NHEJ1: variants seen among roughly 807,000 people sequenced by gnomAD.
The protein encoded by NHEJ1 is non-homologous end-joining factor 1.
In NHEJ1, 22 loss-of-function variants were observed where a neutral mutation model predicts 39.4. The observed-to-expected ratio is 0.56, with a 90% confidence interval of 0.40 to 0.80. NHEJ1 has a LOEUF of 0.80. NHEJ1 is among the 30% of genes least tolerant of loss of function. The pLI is 0.00. For synonymous variants in NHEJ1, 154 were observed against 135.6 expected, an observed-to-expected ratio of 1.14 and a Z score of -0.94; for missense variants, 329 against 357.1, an observed-to-expected ratio of 0.92 and a Z score of 0.63.
chr2:219,145,332 T>C (rs564399027), intron 5 of NHEJ1, among the ~76,000 whole-genome samples: 83 of 152,356 alleles, frequency 5.4e-4, no homozygotes, highest in African/African-American at 1.9e-3. Context: ...CTTCAGTACC[T>C]GGACTGAGCA....
intron 5 of NHEJ1, among the ~76,000 whole-genome samples, chr2:219,136,407 G>A (rs1191807420): frequency 6.6e-6 from 1 of 150,974 alleles, no homozygotes; most frequent in African/African-American, 2.4e-5. Context: ...TCCTGCCTCA[G>A]TCTCCCAAGT....
intron 5 of NHEJ1, among the ~76,000 whole-genome samples, chr2:219,108,783 A>G (rs1949336618): frequency 6.6e-6 from 1 of 151,944 alleles, no homozygotes; most frequent in Non-Finnish European, 1.5e-5. Flanking sequence ...CTTTTTTGGC[A>G]TATGAGGCTT....
At chr2:219,150,709 A>G (rs1009260788) in intron 3 of NHEJ1, among the ~76,000 whole-genome samples, 1 of 152,182 alleles carries the variant, frequency 6.6e-6, no homozygotes, top group Non-Finnish European at 1.5e-5. Flanking sequence ...TAATCCCAGC[A>G]CTGTGGGAGG....
In NHEJ1 at chr2:219,121,819, TA is replaced by T. The variant is rs112766588; in HGVS notation, c.588+24860del. ...CCAGCCTGGGCAATAGACCCTATCT[TA>T]AAAAAAAAAAAAATTAAATTAATGA... On this transcript the variant is annotated intron_variant, in intron 5 of 7. Transcript: ENST00000356853. Among the ~76,000 whole-genome samples the T allele has an allele frequency of 7.0e-3, 1,003 of 143,456 alleles. 7 individuals carry two copies. Among genetic ancestry groups the T allele is most frequent in the Non-Finnish European group, 8.4e-3 (545 of 65,150 alleles). The allele number at this position is 143,456 out of a possible 152,430, so 94.1% of individuals were successfully genotyped here.
chr2:219,158,215 C>CCACCTGTTCATGCCA lies in NHEJ1; in HGVS notation c.133_147dup (p.Trp45_Val49dup). 2 of 1,614,202 alleles carry CCACCTGTTCATGCCA rather than the reference C, an allele frequency of 1.2e-6. No individual in the cohort carries two copies. The highest frequency in any genetic ancestry group is 1.7e-6 in the Non-Finnish European group (2 of 1,180,046). ...GCTCGCTGGCTGACCACACTAGTGT[C>CCACCTGTTCATGCCA]CACCTGTTCATGCCACACCTGTTGA... On this transcript the variant is annotated inframe_insertion, in exon 2 of 8. Transcript: ENST00000356853.
intron 5 of NHEJ1, among the ~76,000 whole-genome samples, chr2:219,087,390 T>C (rs1949121232): frequency 6.6e-6 from 1 of 151,770 alleles, no homozygotes; most frequent in Non-Finnish European, 1.5e-5. Context: ...CTTTTTTTTT[T>C]CCCTGACTTG....
chr2:219,157,375 T>G, intron 3 of NHEJ1, 97 bp downstream of exon 3: 1 of 1,070,982 alleles, frequency 9.3e-7, no homozygotes, highest in Non-Finnish European at 1.4e-6. Context: ...TGGAGAAGAA[T>G]TTCAAACAAG....
chr2:219,136,879 A>C (rs1481822287), intron 5 of NHEJ1, among the ~76,000 whole-genome samples: 1 of 152,168 alleles, frequency 6.6e-6, no homozygotes, highest in Non-Finnish European at 1.5e-5. Flanking sequence ...CTGGGATTAC[A>C]GACCTGAGCC....
intron 5 of NHEJ1, among the ~76,000 whole-genome samples, chr2:219,098,547 TG>T: frequency 6.6e-6 from 1 of 152,178 alleles, no homozygotes; most frequent in Non-Finnish European, 1.5e-5. Flanking sequence ...AGTAGAAGTA[TG>T]GTTTAAGTCT....
In NHEJ1 at chr2:219,137,595, A is replaced by AAAAAAAAAAAAAAAAAC. The variant is rs143557047; in HGVS notation, c.588+9084_588+9085insGTTTTTTTTTTTTTTTT. Among the ~76,000 whole-genome samples the AAAAAAAAAAAAAAAAAC allele has an allele frequency of 6.0e-4, 50 of 82,754 alleles. 5 individuals are homozygous for AAAAAAAAAAAAAAAAAC. Among genetic ancestry groups the AAAAAAAAAAAAAAAAAC allele is most frequent in the Non-Finnish European group, 1.1e-3 (37 of 32,952 alleles). 54.3% of individuals were successfully genotyped at this position (82,754 alleles called of 152,430 possible). A position where few individuals can be genotyped will look rare whatever the true frequency, so the allele number is the denominator to read the frequency against. On this transcript the variant is annotated intron_variant, in intron 5 of 7. Transcript: ENST00000356853. ...CAAAAAAAAAAAAAAAAAAAAAACA[A>AAAAAAAAAAAAAAAAAC]AAAAAACTGAAAACCACCTTCAGAA...
At chr2:219,146,849 C>G in intron 4 of NHEJ1, 111 bp from the exon 5 acceptor site, 1 of 812,484 alleles carries the variant, frequency 1.2e-6, no homozygotes, top group Non-Finnish European at 2.1e-6. Context: ...GAAGGTGCAT[C>G]ATGCAGAGAC....
At chr2:219,080,506 CAG>C (rs1574699843) in intron 5 of NHEJ1, among the ~76,000 whole-genome samples, 1 of 148,630 alleles carries the variant, frequency 6.7e-6, no homozygotes, top group East Asian at 2.0e-4. Context: ...GCCTGGGCGA[CAG>C]AGCAAGACTC....
chr2:219,072,494 T>C lies in NHEJ1; in HGVS notation c.*3887A>G, dbSNP rs1456545408. On this transcript the variant is annotated 3_prime_UTR_variant, in exon 8 of 8. Coordinates refer to ENST00000356853, the MANE Select transcript of NHEJ1 (RefSeq NM_024782.3). ...TCAAGAAAAATTAGAAGACAGAAAC[T>C]ACTTCACAGTAGAGCTTAGAAAAAC... 6.6e-6 allele frequency among the ~76,000 whole-genome samples: 1 copy of C among 152,240 alleles called. No individual in the cohort carries two copies. Among genetic ancestry groups the C allele is most frequent in the Non-Finnish European group, 1.5e-5 (1 of 68,042 alleles).
intron 4 of NHEJ1, among the ~76,000 whole-genome samples, chr2:219,147,430 T>C (rs920026701): frequency 1.3e-5 from 2 of 152,206 alleles, no homozygotes; most frequent in Admixed American, 1.3e-4. Flanking sequence ...TGCAGTGAGC[T>C]GAGATCATAC....
intron 3 of NHEJ1, among the ~76,000 whole-genome samples, chr2:219,155,891 C>T (rs1354788880): frequency 2.0e-5 from 3 of 150,930 alleles, no homozygotes; most frequent in Non-Finnish European, 4.4e-5. Flanking sequence ...CGCCACTGCA[C>T]TCCAGCCTGG....
At chr2:219,110,333 T>C (rs951564657) in intron 5 of NHEJ1, among the ~76,000 whole-genome samples, 23 of 151,932 alleles carry the variant, frequency 1.5e-4, no homozygotes, top group African/African-American at 4.8e-4. Context: ...CTGTGTAACA[T>C]GGAAAAATCC....
intron 5 of NHEJ1, among the ~76,000 whole-genome samples, chr2:219,078,484 C>A (rs1347189834): frequency 6.6e-6 from 1 of 152,092 alleles, no homozygotes; most frequent in Non-Finnish European, 1.5e-5. Flanking sequence ...GGCTCTTTTT[C>A]CAAAGGGATG....
intron 1 of NHEJ1, chr2:219,158,963 G>A (rs540336656): frequency 3.8e-5 from 6 of 157,632 alleles, no homozygotes; most frequent in Non-Finnish European, 8.4e-5. Context: ...ATGTGTACAC[G>A]CATATATGCA....
intron 7 of NHEJ1, 133 bp from the exon 8 acceptor site, chr2:219,076,588 G>C: frequency 1.3e-6 from 1 of 776,302 alleles, no homozygotes; most frequent in Non-Finnish European, 2.0e-6. Context: ...TTTCCACCCA[G>C]GCTGGAGTAC....
Sources: gnomAD v4.1 joint callset for allele counts (sites outside exome capture counted in the v4.1 genomes callset) on GRCh38, gnomAD v4.1.1 for gene constraint, MANE v1.5 for transcripts, NCBI Gene and HGNC (gene_info 2026-07-23, HGNC 2026-07-21) for gene names.